The following SH3GL3 variants were observed in gnomAD, a reference collection of about 807,000 sequenced individuals.
The protein encoded by SH3GL3 is endophilin-A3.
Under a neutral mutation model 47.7 loss-of-function variants are expected in SH3GL3, and 33 were observed. The observed-to-expected ratio is 0.69, with a 90% CI of 0.52 to 0.92. The LOEUF is 0.92. SH3GL3 is among the 40% of genes least tolerant of loss of function. The pLI is 0.00. For synonymous variants in SH3GL3, 155 were observed against 148.8 expected, an observed-to-expected ratio of 1.04 and a Z score of -0.30; for missense variants, 363 against 417.8, an observed-to-expected ratio of 0.87 and a Z score of 1.14.
chr15:83,599,711 G>A (rs1003956160), intron 8 of SH3GL3, among the ~76,000 whole-genome samples: 1 of 152,194 alleles, frequency 6.6e-6, no homozygotes, highest in Non-Finnish European at 1.5e-5. Flanking sequence ...TAGATACCCA[G>A]TAGTGGGATT....
intron 1 of SH3GL3, among the ~76,000 whole-genome samples, chr15:83,503,263 A>G (rs1423594303): frequency 6.6e-6 from 1 of 152,166 alleles, no homozygotes; most frequent in African/African-American, 2.4e-5. Flanking sequence ...ATATATACCC[A>G]ATATTATTAC....
intron 1 of SH3GL3, among the ~76,000 whole-genome samples, chr15:83,549,128 C>G (rs1365715365): frequency 6.6e-6 from 1 of 152,050 alleles, no homozygotes; most frequent in Non-Finnish European, 1.5e-5. Flanking sequence ...TTTATGTATT[C>G]CAATTTTTGA....
At chr15:83,602,652 G>C (rs1194769347) in intron 8 of SH3GL3, among the ~76,000 whole-genome samples, 2 of 152,098 alleles carry the variant, frequency 1.3e-5, no homozygotes, top group Non-Finnish European at 2.9e-5. Context: ...CACACATTCA[G>C]GCCATAGCAA....
Position 83,538,070 on chromosome 15 carries a change from G to C in SH3GL3, c.46-21183G>C, listed in dbSNP as rs17584982. The stretch of plus-strand genomic sequence containing the variant: ...GCTGCTATAATGATTAAATTTTGAA[G>C]TAGCATTTAGCGTGCAGGGAGTACA... On this transcript the variant is annotated intron_variant, in intron 1 of 8. Coordinates refer to ENST00000427482, the MANE Select transcript of SH3GL3 (RefSeq NM_003027.5). 1.6e-3 allele frequency among the ~76,000 whole-genome samples: 241 copies of C among 152,236 alleles called. 2 individuals are homozygous for C. In the Middle Eastern group the frequency reaches 0.02, roughly 13 times the overall value.
chr15:83,459,022 C>T (rs1473205416), intron 1 of SH3GL3, among the ~76,000 whole-genome samples: 3 of 152,214 alleles, frequency 2.0e-5, no homozygotes, highest in Admixed American at 6.5e-5. Flanking sequence ...ACAGTGCAGC[C>T]TTCAGTCTGG....
intron 1 of SH3GL3, among the ~76,000 whole-genome samples, chr15:83,494,957 T>C (rs1439315906): frequency 6.6e-6 from 1 of 152,118 alleles, no homozygotes; most frequent in Non-Finnish European, 1.5e-5. Flanking sequence ...GTGGTCAGGC[T>C]CTGTGCACCT....
chr15:83,592,987 G>A (rs572241867), intron 8 of SH3GL3, among the ~76,000 whole-genome samples: 15 of 151,570 alleles, frequency 9.9e-5, no homozygotes, highest in East Asian at 3.9e-4. Context: ...TTTTTACATC[G>A]CCTAACACTT....
At chr15:83,626,176 A>G in the SH3GL3 span, among the ~76,000 whole-genome samples, 1 of 152,042 alleles carries the variant, frequency 6.6e-6, no homozygotes, top group Non-Finnish European at 1.5e-5. Flanking sequence ...TTTTTTTCTT[A>G]CCATTAAGAG....
intron 1 of SH3GL3, among the ~76,000 whole-genome samples, chr15:83,498,300 C>G (rs1430973918): frequency 1.3e-5 from 2 of 152,204 alleles, no homozygotes; most frequent in African/African-American, 4.8e-5. Context: ...CCCTTCAATC[C>G]TGACTCCTCT....
At chr15:83,508,029 C>T (rs752856333) in intron 1 of SH3GL3, among the ~76,000 whole-genome samples, 7 of 151,780 alleles carry the variant, frequency 4.6e-5, no homozygotes, top group Non-Finnish European at 1.0e-4. Flanking sequence ...GCAACCTCCA[C>T]CTCCCGGGTT....
At chr15:83,573,514 A>T (rs1171907360) in intron 5 of SH3GL3, among the ~76,000 whole-genome samples, 1 of 152,202 alleles carries the variant, frequency 6.6e-6, no homozygotes, top group Non-Finnish European at 1.5e-5. Flanking sequence ...TGTGTTTTAT[A>T]AAGTCCTCCA....
intron 1 of SH3GL3, among the ~76,000 whole-genome samples, chr15:83,552,474 C>T (rs1052418697): frequency 1.3e-5 from 2 of 151,960 alleles, no homozygotes; most frequent in African/African-American, 4.8e-5. Flanking sequence ...AACTTAATTG[C>T]ATTATGGTTA....
In SH3GL3 at chr15:83,447,961, G is replaced by C. The variant is rs2039526409; in HGVS notation, c.45+383G>C. ...CGGCAGGGCCTCCCCCGAGTCTCCA[G>C]CCGTTTGGTTGGGAGAGCCTCGTGG... On this transcript the variant is annotated intron_variant, in intron 1 of 8. Transcript: ENST00000427482. This position sits in a 1 kb window ranked among gnomAD's most constrained non-coding sequence, Gnocchi z 5.1. Among the ~76,000 whole-genome samples, 1 of 152,182 alleles carries C rather than the reference G, an allele frequency of 6.6e-6. No individual in the cohort carries two copies. Among genetic ancestry groups the C allele is most frequent in the Non-Finnish European group, 1.5e-5 (1 of 68,022 alleles).
chr15:83,628,129 G>T, the SH3GL3 span, among the ~76,000 whole-genome samples: 3 of 152,110 alleles, frequency 2.0e-5, no homozygotes, highest in Admixed American at 6.5e-5. Flanking sequence ...TGGGAGAGGG[G>T]GCTGTGATAC....
rs141685556 is a variant in SH3GL3 at position 83,498,980 on chromosome 15, A to G, written c.45+51402A>G. On this transcript the variant is annotated intron_variant, in intron 1 of 8. Coordinates refer to ENST00000427482, the MANE Select transcript of SH3GL3 (RefSeq NM_003027.5). ...ATAAGCTTCTCCTCCACCTCCTTCT[A>G]TTGTCCTCCTGGTGTTTTGCTTTCT... 3.9e-3 allele frequency among the ~76,000 whole-genome samples: 591 copies of G among 151,890 alleles called. 10 individuals carry two copies. The highest frequency in any genetic ancestry group is 1.8e-3 in the Non-Finnish European group (124 of 67,962).
At chr15:83,573,120 AT>A (rs1252924447) in intron 5 of SH3GL3, among the ~76,000 whole-genome samples, 1 of 152,186 alleles carries the variant, frequency 6.6e-6, no homozygotes, top group East Asian at 1.9e-4. Flanking sequence ...TGAATTTTTC[AT>A]TTGGAAAACT....
At chr15:83,472,972 CATTAGGCCTCCACTG>C (rs2040899816) in intron 1 of SH3GL3, among the ~76,000 whole-genome samples, 1 of 152,134 alleles carries the variant, frequency 6.6e-6, no homozygotes, top group African/African-American at 2.4e-5. Context: ...GAGTTCCGGC[CATTAGGCCTCCACTG>C]ATAACAAAGC....
At chr15:83,614,720 C>T (rs911394347) in intron 8 of SH3GL3, among the ~76,000 whole-genome samples, 28 of 152,226 alleles carry the variant, frequency 1.8e-4, no homozygotes, top group African/African-American at 5.3e-4. Context: ...TGGGGAGCTC[C>T]GCTGATGAAG....
intron 6 of SH3GL3, among the ~76,000 whole-genome samples, chr15:83,577,511 C>T (rs977082622): frequency 3.9e-5 from 6 of 152,214 alleles, no homozygotes; most frequent in Middle Eastern, 3.4e-3. Flanking sequence ...AGCGATCTTC[C>T]CACCTCAGCC....
Sources: gnomAD v4.1 joint callset for allele counts (sites outside exome capture counted in the v4.1 genomes callset) on GRCh38, gnomAD v4.1.1 for gene constraint, Gnocchi (gnomAD v3.1) non-coding constraint, MANE v1.5 for transcripts, NCBI Gene and HGNC (gene_info 2026-07-23, HGNC 2026-07-21) for gene names.